Variants in NIPA2 observed in about 807,000 individuals in gnomAD.
NIPA2 encodes magnesium transporter NIPA2.
Under a neutral mutation model 29.7 loss-of-function variants are expected in NIPA2, and 11 were observed. The ratio of observed to expected loss-of-function variants is 0.37; its 90% CI spans 0.23 to 0.61. The LOEUF is 0.61. Ranked by LOEUF, NIPA2 falls within the 20% of genes least tolerant of loss-of-function variation. The probability of loss-of-function intolerance (pLI) is 0.66; values close to 1 mark genes in which losing one functional copy is unlikely to be tolerated. For synonymous variants in NIPA2, 183 were observed against 161.9 expected (o/e 1.13, Z -0.99); for missense variants, 426 against 437.9 (o/e 0.97, Z 0.24).
intron 5 of NIPA2, among the ~76,000 whole-genome samples, chr15:22,856,063 AG>A (rs1257408245): frequency 1.3e-5 from 2 of 152,152 alleles, no homozygotes. Context: ...GCTCACTTTG[AG>A]AGAAGCCAGC....
At chr15:22,865,639 A>T (rs1255509998) in intron 7 of NIPA2, among the ~76,000 whole-genome samples, 1 of 152,122 alleles carries the variant, frequency 6.6e-6, no homozygotes, top group African/African-American at 2.4e-5. Context: ...AATTGCTGAG[A>T]AAAATGCCTG....
chr15:22,856,851 TAAC>T (rs2058214538), intron 5 of NIPA2, among the ~76,000 whole-genome samples: 1 of 152,186 alleles, frequency 6.6e-6, no homozygotes, highest in Non-Finnish European at 1.5e-5. Flanking sequence ...AAAATTGGCA[TAAC>T]TTTTGGAAAA....
chr15:22,842,514 C>T (rs1897346334), intron 2 of NIPA2, among the ~76,000 whole-genome samples: 1 of 150,768 alleles, frequency 6.6e-6, no homozygotes, highest in East Asian at 1.9e-4. Context: ...ATGGTGAAAC[C>T]CCATCTCTAC....
In NIPA2 at chr15:22,844,371, C is replaced by T. The variant is rs148978309; in HGVS notation, c.-215-775C>T. ...GTCAGGAGTTCGAGACCAGCCTGGC[C>T]AACATAGTGAAACCCCGTCTCTACT... is the stretch of plus-strand genomic sequence containing the variant. On this transcript the variant is annotated intron_variant, in intron 2 of 7. Transcript: ENST00000337451. 1.8e-3 allele frequency among the ~76,000 whole-genome samples: 274 copies of T among 151,962 alleles called. 1 individual carries two copies. Among genetic ancestry groups the T allele is most frequent in the East Asian group, 9.7e-4 (5 of 5,134 alleles).
Position 22,866,742 on chromosome 15 carries a change from T to TATG in NIPA2, c.979_981dup (p.Met327dup), listed in dbSNP as rs772376136. 6.2e-7 allele frequency: 1 copy of TATG among 1,613,968 alleles called. No individual in the cohort carries two copies. Among genetic ancestry groups the TATG allele is most frequent in the Non-Finnish European group, 8.5e-7 (1 of 1,179,848 alleles). On this transcript the variant is annotated inframe_insertion, in exon 8 of 8. Transcript: ENST00000337451. ...AAGCAATGAATGGCAATCTCTCTAA[T>TATG]ATGTATGAAGTTCTTAATAATAATG...
chr15:22,862,292 C>G (rs2058680554), intron 7 of NIPA2, among the ~76,000 whole-genome samples: 1 of 151,076 alleles, frequency 6.6e-6, no homozygotes, highest in African/African-American at 2.4e-5. Context: ...AGGTGATCCA[C>G]CTGCCTCGGC....
rs539647920 is a variant in NIPA2 at position 22,848,227 on chromosome 15, G to A, written c.-94+2960G>A. On this transcript the variant is annotated intron_variant, in intron 3 of 7. Transcript: ENST00000337451. ...AGCTCGGTTTCTCACTCCCATTTTC[G>A]TAGTCCGTATAACCATTTTCCTTGC... Among the ~76,000 whole-genome samples, 51 of 152,154 alleles carry A rather than the reference G, an allele frequency of 3.4e-4. 3 individuals are homozygous for A. In the South Asian group the frequency reaches 9.1e-3, roughly 27 times the overall value.
chr15:22,839,434 T>C (rs1479157759), intron 1 of NIPA2, among the ~76,000 whole-genome samples: 1 of 152,204 alleles, frequency 6.6e-6, no homozygotes, highest in African/African-American at 2.4e-5. Flanking sequence ...AAATCCTGTG[T>C]ATAGCCATGT....
rs1297882221 is a variant in NIPA2, at chr15:22,867,793, A to G, written c.*946A>G. The stretch of plus-strand genomic sequence containing the variant: ...TATAGAATATGGTCTCTTTGTACCA[A>G]GTACTTTGCTTAAGAGCTCCTTTGG... On this transcript the variant is annotated 3_prime_UTR_variant, in exon 8 of 8. Transcript: ENST00000337451. 2 of 152,212 alleles carry G rather than the reference A, an allele frequency of 1.3e-5. No homozygotes were observed. The highest frequency in any genetic ancestry group is 4.8e-5 in the African/African-American group (2 of 41,450). 9.4% of individuals were successfully genotyped at this position (152,212 alleles called of 1,614,324 possible).
rs2059132884 is a variant in NIPA2 at position 22,866,923 on chromosome 15, CATT to C, written c.*77_*79del. ...TATCATCAGAATGTGTCTGAAAAAA[CATT>C]GTCCTCAAATAATGTTCTTTAAAGG... is the stretch of plus-strand genomic sequence containing the variant. On this transcript the variant is annotated 3_prime_UTR_variant, in exon 8 of 8. Coordinates refer to ENST00000337451, the MANE Select transcript of NIPA2 (RefSeq NM_030922.7). 7 of 1,330,592 alleles carry C rather than the reference CATT, an allele frequency of 5.3e-6. No individual in the cohort carries two copies. The highest frequency in any genetic ancestry group is 4.6e-5 in the East Asian group (2 of 43,066). The allele number at this position is 1,330,592 out of a possible 1,614,324, so 82.4% of individuals were successfully genotyped here.
At chr15:22,841,127 C>T (rs1896981327) in intron 2 of NIPA2, among the ~76,000 whole-genome samples, 1 of 152,048 alleles carries the variant, frequency 6.6e-6, no homozygotes, top group East Asian at 1.9e-4. Context: ...AGAGATTTTC[C>T]TTCAATGAGT....
intron 3 of NIPA2, among the ~76,000 whole-genome samples, chr15:22,849,030 T>C (rs1306156870): frequency 6.6e-6 from 1 of 152,036 alleles, no homozygotes; most frequent in Non-Finnish European, 1.5e-5. Flanking sequence ...CAGGATGCAG[T>C]GGGAACAGTG....
At chr15:22,864,399 C>T (rs773522777) in intron 7 of NIPA2, among the ~76,000 whole-genome samples, 3 of 152,174 alleles carry the variant, frequency 2.0e-5, no homozygotes, top group Admixed American at 6.5e-5. Context: ...CATGATCCGC[C>T]CACCTCGGCC....
At chr15:22,853,087 G>C (rs2141256568) in intron 4 of NIPA2, 125 bp from the exon 5 acceptor site, 1 of 628,402 alleles carries the variant, frequency 1.6e-6, no homozygotes, top group Admixed American at 2.8e-5. Flanking sequence ...GAAATCCCGA[G>C]TCATGCAGAA....
Position 22,858,384 on chromosome 15 carries a change from A to T in NIPA2, c.197-156A>T, listed in dbSNP as rs1277918583. 3.3e-5 allele frequency among the ~76,000 whole-genome samples: 5 copies of T among 152,196 alleles called. No individual in the cohort carries two copies. The East Asian group carries it at 7.7e-4, about 23-fold the overall frequency. On this transcript the variant is annotated intron_variant, in intron 5 of 7. Coordinates refer to ENST00000337451, the MANE Select transcript of NIPA2 (RefSeq NM_030922.7). ...ACTGCAGCCTGGGCGACAGAGTGAG[A>T]CTCCGTCTCAAAAAAATAAAAATAA...
intron 7 of NIPA2, among the ~76,000 whole-genome samples, chr15:22,865,407 A>C (rs929729756): frequency 6.6e-6 from 1 of 151,516 alleles, no homozygotes; most frequent in Non-Finnish European, 1.5e-5. Flanking sequence ...AATGGCGTGA[A>C]CCCGGGAGGC....
In NIPA2 at chr15:22,867,039, C is replaced by T; in HGVS notation, c.*192C>T. On this transcript the variant is annotated 3_prime_UTR_variant, in exon 8 of 8. Coordinates refer to ENST00000337451, the MANE Select transcript of NIPA2 (RefSeq NM_030922.7). ...CAATGGTAGCTCACTAAAATGACCT[C>T]AGCACATGACGATTTCTATTAACAT... 1 of 545,122 alleles carries T rather than the reference C, an allele frequency of 1.8e-6. No individual in the cohort carries two copies. Among genetic ancestry groups the T allele is most frequent in the Admixed American group, 3.6e-5 (1 of 27,484 alleles). 33.8% of individuals were successfully genotyped at this position (545,122 alleles called of 1,614,324 possible).
intron 5 of NIPA2, among the ~76,000 whole-genome samples, chr15:22,854,765 A>T (rs2058057668): frequency 6.6e-6 from 1 of 152,090 alleles, no homozygotes; most frequent in Admixed American, 6.5e-5. Context: ...AAACAAAAAA[A>T]ATTATTATTG....
At chr15:22,851,301 A>G (rs1160986903) in intron 3 of NIPA2, among the ~76,000 whole-genome samples, 2 of 152,178 alleles carry the variant, frequency 1.3e-5, no homozygotes, top group Non-Finnish European at 2.9e-5. Context: ...TGATAAATGT[A>G]TTTCCAAACT....
Sources: gnomAD v4.1 joint callset for allele counts (sites outside exome capture counted in the v4.1 genomes callset) on GRCh38, gnomAD v4.1.1 for gene constraint, MANE v1.5 for transcripts, NCBI Gene and HGNC (gene_info 2026-07-23, HGNC 2026-07-21) for gene names.